Variants in AKAP9 observed in about 807,000 individuals in gnomAD.
AKAP9 encodes A-kinase anchor protein 9.
Under a neutral mutation model 488.5 loss-of-function variants are expected in AKAP9, and 311 were observed. The ratio of observed to expected loss-of-function variants is 0.64; its 90% CI spans 0.58 to 0.70. The LOEUF is 0.70. AKAP9 is among the 30% of genes least tolerant of loss of function. The pLI is 0.00. For synonymous variants in AKAP9, 1,462 were observed against 1,483.5 expected (o/e 0.99, Z 0.33); for missense variants, 4,215 against 4,374.5 (o/e 0.96, Z 1.03).
chr7:91,984,312 T>C (rs1194244587), intron 3 of AKAP9, among the ~76,000 whole-genome samples: 1 of 152,188 alleles, frequency 6.6e-6, no homozygotes, highest in Non-Finnish European at 1.5e-5. Context: ...TTGTATAAGG[T>C]GTAAGGAAGG....
intron 1 of AKAP9, among the ~76,000 whole-genome samples, chr7:91,948,605 C>CTT (rs55928500): frequency 5.4e-3 from 581 of 107,468 alleles, no homozygotes; most frequent in Non-Finnish European, 8.9e-3. Flanking sequence ...TTGTAGATTT[C>CTT]TTTTTTTTTT....
Position 92,066,536 on chromosome 7 carries a change from A to G in AKAP9, c.6320A>G (p.Gln2107Arg), listed in dbSNP as rs1810794248. 6.2e-7 allele frequency: 1 copy of G among 1,613,408 alleles called. No individual in the cohort carries two copies. Among genetic ancestry groups the G allele is most frequent in the Non-Finnish European group, 8.5e-7 (1 of 1,179,602 alleles). ...CGATTCCAGCCTATCAGTGAACATC[A>G]AACTAGAGAGGTAAGAACTTCACTG... ...VPRFQPISEHQTREVEQLANH... is the reference protein window; with the variant it reads ...VPRFQPISEHRTREVEQLANH... Residue 2107 changes from glutamine (Q) to arginine (R), a missense_variant, in exon 26 of 50, where the codon CAA (glutamine) becomes CGA (arginine). Gln to Arg is a conservative substitution (Grantham distance 43, BLOSUM62 1). This residue lies in a region of AKAP9 where 2,361 missense variants were observed against 2,430.0 expected (regional missense o/e 0.97). Coordinates refer to ENST00000356239, the MANE Select transcript of AKAP9 (RefSeq NM_005751.5).
chr7:92,029,092 G>A (rs1204955353), intron 14 of AKAP9, among the ~76,000 whole-genome samples: 1 of 151,712 alleles, frequency 6.6e-6, no homozygotes, highest in East Asian at 1.9e-4. Flanking sequence ...AATTATATTT[G>A]CCAGAAATGA....
rs1410587848 is a variant in AKAP9 at position 92,083,503 on chromosome 7, C to G, written c.8494C>G (p.Gln2832Glu). ...GTTTACTGAAAAAATTGAGAAGATG[C>G]AAGAACTACATGCTGCTGAAATTTT... ...SQFTEKIEKMQELHAAEILDM... is the reference protein window; with the variant it reads ...SQFTEKIEKMEELHAAEILDM... The change falls in exon 33 of 50, where the codon CAA (glutamine) becomes GAA (glutamate). Residue 2832 changes from glutamine (Q) to glutamate (E), a missense_variant. By Grantham distance (29) the Gln-to-Glu change is conservative. Coordinates refer to ENST00000356239, the MANE Select transcript of AKAP9 (RefSeq NM_005751.5). 1.9e-6 allele frequency: 3 copies of G among 1,611,220 alleles called. No homozygotes were observed. The highest frequency in any genetic ancestry group is 2.5e-6 in the Non-Finnish European group (3 of 1,178,678).
intron 10 of AKAP9, among the ~76,000 whole-genome samples, chr7:92,015,285 A>C (rs986583897): frequency 6.6e-5 from 10 of 152,146 alleles, no homozygotes; most frequent in African/African-American, 2.2e-4. Flanking sequence ...TGCTCAGGAG[A>C]AGAACCGGAA....
intron 1 of AKAP9, among the ~76,000 whole-genome samples, chr7:91,960,586 T>C (rs1000403221): frequency 2.0e-5 from 3 of 152,240 alleles, no homozygotes; most frequent in Non-Finnish European, 4.4e-5. Context: ...TTTTTCTGTG[T>C]GAGGCTCTCC....
At chr7:91,950,146 A>G (rs1040755296) in intron 1 of AKAP9, among the ~76,000 whole-genome samples, 1 of 151,996 alleles carries the variant, frequency 6.6e-6, no homozygotes, top group African/African-American at 2.4e-5. Context: ...TACTGAACAC[A>G]CTATAAAATT....
intron 25 of AKAP9, among the ~76,000 whole-genome samples, chr7:92,066,068 G>A (rs1024253601): frequency 6.6e-5 from 10 of 152,134 alleles, no homozygotes; most frequent in Admixed American, 5.9e-4. Flanking sequence ...TTGTTTTATG[G>A]ATTTTGTTTA....
chr7:92,073,363 G>T (rs548469779), intron 28 of AKAP9, among the ~76,000 whole-genome samples: 1 of 149,362 alleles, frequency 6.7e-6, no homozygotes, highest in Non-Finnish European at 1.5e-5. Flanking sequence ...AAAATTAGCC[G>T]GGTGTGGTGG....
At chr7:92,076,179 G>A (rs1030176760) in intron 28 of AKAP9, among the ~76,000 whole-genome samples, 2 of 152,126 alleles carry the variant, frequency 1.3e-5, no homozygotes, top group African/African-American at 4.8e-5. Context: ...ATTCGTTTCA[G>A]TCTCTAACCA....
At chr7:91,954,440 A>G (rs1792683075) in intron 1 of AKAP9, among the ~76,000 whole-genome samples, 2 of 152,044 alleles carry the variant, frequency 1.3e-5, no homozygotes, top group Admixed American at 6.6e-5. Context: ...ACACACCACC[A>G]TGCCCAATTA....
At chr7:92,081,451 C>T (rs1813533942) in intron 31 of AKAP9, among the ~76,000 whole-genome samples, 1 of 148,068 alleles carries the variant, frequency 6.8e-6, no homozygotes, top group African/African-American at 2.5e-5. Flanking sequence ...ATTACAGACA[C>T]GCACCACCAC....
chr7:91,947,418 C>T (rs943173168), intron 1 of AKAP9, among the ~76,000 whole-genome samples: 2 of 151,994 alleles, frequency 1.3e-5, no homozygotes, highest in African/African-American at 4.8e-5. Flanking sequence ...TCTCGGCTCA[C>T]TGCAACCTCC....
chr7:91,956,964 C>CT (rs1420458238), intron 1 of AKAP9, among the ~76,000 whole-genome samples: 2 of 151,960 alleles, frequency 1.3e-5, no homozygotes, highest in Admixed American at 1.3e-4. Context: ...TGTAAGTTGC[C>CT]TTTTTTGTTA....
chr7:91,949,545 TG>T (rs1791930055), intron 1 of AKAP9, among the ~76,000 whole-genome samples: 1 of 152,334 alleles, frequency 6.6e-6, no homozygotes, highest in South Asian at 2.1e-4. Context: ...ATTTTAAACA[TG>T]GGGGATCTGT....
intron 21 of AKAP9, among the ~76,000 whole-genome samples, chr7:92,049,163 A>C (rs1196594765): frequency 1.3e-5 from 2 of 152,208 alleles, no homozygotes; most frequent in African/African-American, 4.8e-5. Context: ...ACCATCATTT[A>C]CTATGTTTTA....
intron 47 of AKAP9, among the ~76,000 whole-genome samples, chr7:92,106,515 T>G (rs551024069): frequency 6.6e-6 from 1 of 152,336 alleles, no homozygotes; most frequent in Non-Finnish European, 1.5e-5. Context: ...AAGACAGGAT[T>G]GCTGTTAGTC....
At chr7:91,960,707 T>G (rs1024320796) in intron 1 of AKAP9, among the ~76,000 whole-genome samples, 1 of 152,216 alleles carries the variant, frequency 6.6e-6, no homozygotes, top group Non-Finnish European at 1.5e-5. Context: ...AGAGTAGGGT[T>G]TATACCTCTT....
intron 26 of AKAP9, among the ~76,000 whole-genome samples, chr7:92,068,298 A>G (rs577219411): frequency 5.3e-5 from 8 of 149,604 alleles, no homozygotes; most frequent in Admixed American, 3.4e-4. Flanking sequence ...TTCAGGAGGC[A>G]GAGCTTGCAG....
Sources: gnomAD v4.1 joint callset for allele counts (sites outside exome capture counted in the v4.1 genomes callset) on GRCh38, gnomAD v4.1.1 for gene constraint, gnomAD v4.1.1 regional missense constraint, MANE v1.5 for transcripts, NCBI Gene and HGNC (gene_info 2026-07-23, HGNC 2026-07-21) for gene names.